Variants in DMAC2L observed in about 807,000 individuals in gnomAD.
DMAC2L encodes distal membrane arm assembly component 2 like.
DMAC2L carries 21 observed loss-of-function variants against 22.5 expected under a neutral mutation model. That is an observed-to-expected ratio of 0.93 (90% CI 0.66 to 1.34). The LOEUF is 1.34. Among genes scored for constraint, DMAC2L ranks in the 40% most tolerant of loss-of-function variants. The probability of loss-of-function intolerance (pLI) is 0.00; values close to 1 mark genes in which losing one functional copy is unlikely to be tolerated. For synonymous variants in DMAC2L, 86 were observed against 89.5 expected (o/e 0.96, Z 0.22); for missense variants, 239 against 246.5 (o/e 0.97, Z 0.20).
intron 5 of DMAC2L, 148 bp from the exon 6 acceptor site, chr14:50,325,461 C>T: frequency 1.2e-6 from 1 of 843,552 alleles, no homozygotes; most frequent in Non-Finnish European, 1.7e-6. Context: ...TGAATTTCAT[C>T]TCTAAGGCTA....
At chr14:50,319,613 C>T (rs1213147221) in intron 2 of DMAC2L, among the ~76,000 whole-genome samples, 1 of 152,188 alleles carries the variant, frequency 6.6e-6, no homozygotes. Context: ...ATCAGGGCTT[C>T]AGTTTCCTCA....
At position 50,320,045 on chromosome 14, in the gene DMAC2L, A is replaced by G. The variant is rs73279433; in HGVS notation, c.-5-1438A>G. Among the ~76,000 whole-genome samples the G allele has an allele frequency of 6.4e-3, 977 of 152,240 alleles. 13 individuals carry two copies. Among genetic ancestry groups the G allele is most frequent in the African/African-American group, 0.021 (890 of 41,550 alleles). ...CCTTAATCTTGATGCTGCTGAGTCA[A>G]TTTCTTGAAGCACAACCGTAACAAT... On this transcript the variant is annotated intron_variant, in intron 2 of 5. Coordinates refer to ENST00000557421, the MANE Select transcript of DMAC2L (RefSeq NM_001382507.1).
chr14:50,319,966 G>A lies in DMAC2L; in HGVS notation c.-5-1517G>A, dbSNP rs559406847. 1.1e-4 allele frequency among the ~76,000 whole-genome samples: 16 copies of A among 152,232 alleles called. No homozygotes were observed. The East Asian group carries it at 1.9e-3, about 18-fold the overall frequency. ...CATCCTTCCCCAACTAGGCCCTTTC[G>A]TATGGCCTCATGTGATTGAAGCCCT... On this transcript the variant is annotated intron_variant, in intron 2 of 5. Transcript: ENST00000557421.
At chr14:50,322,927 G>C (rs374097142) in intron 4 of DMAC2L, 4 of 1,426,748 alleles carry the variant, frequency 2.8e-6, no homozygotes, top group African/African-American at 2.9e-5. Flanking sequence ...CACTAAGCTT[G>C]TTTCTGTATG....
intron 2 of DMAC2L, among the ~76,000 whole-genome samples, chr14:50,319,984 G>A (rs2139297260): frequency 6.6e-6 from 1 of 152,296 alleles, no homozygotes; most frequent in South Asian, 2.1e-4. Flanking sequence ...TCATGTGATT[G>A]AAGCCCTTGC....
At chr14:50,312,732 G>A in intron 1 of DMAC2L, 1 of 376,626 alleles carries the variant, frequency 2.7e-6, no homozygotes, top group Non-Finnish European at 4.8e-6. Context: ...CCCGGCCCCA[G>A]CCCAGTCGAG....
At chr14:50,314,005 C>G (rs1036345671) in intron 1 of DMAC2L, among the ~76,000 whole-genome samples, 13 of 152,176 alleles carry the variant, frequency 8.5e-5, no homozygotes, top group African/African-American at 3.1e-4. Context: ...CTTTTTCATT[C>G]AGCATAATCC....
intron 2 of DMAC2L, among the ~76,000 whole-genome samples, chr14:50,316,368 C>A (rs1200182996): frequency 1.3e-5 from 2 of 152,316 alleles, no homozygotes; most frequent in Admixed American, 6.5e-5. Context: ...GTTTACTCTG[C>A]TGACTGTTCC....
At chr14:50,312,896 A>G in intron 1 of DMAC2L, 1 of 979,948 alleles carries the variant, frequency 1.0e-6, no homozygotes, top group Non-Finnish European at 1.6e-6. Context: ...CGTCTTGTAA[A>G]TATGGAGCGC....
intron 2 of DMAC2L, among the ~76,000 whole-genome samples, chr14:50,320,554 T>C (rs570882190): frequency 3.9e-5 from 6 of 152,336 alleles, no homozygotes; most frequent in African/African-American, 1.4e-4. Flanking sequence ...CTGCTTCAGC[T>C]AATAATCTGG....
At chr14:50,321,002 T>C (rs1278738039) in intron 2 of DMAC2L, among the ~76,000 whole-genome samples, 1 of 152,240 alleles carries the variant, frequency 6.6e-6, no homozygotes, top group Non-Finnish European at 1.5e-5. Flanking sequence ...TTTACACTGC[T>C]CTGGTAACAC....
upstream of DMAC2L, chr14:50,311,549 A>G: frequency 2.3e-6 from 1 of 443,188 alleles, no homozygotes; most frequent in Non-Finnish European, 4.5e-6. Flanking sequence ...CGGGGGCAAC[A>G]CTATGCGGGG....
At chr14:50,320,337 C>G (rs1393825901) in intron 2 of DMAC2L, among the ~76,000 whole-genome samples, 5 of 152,100 alleles carry the variant, frequency 3.3e-5, no homozygotes, top group Non-Finnish European at 7.4e-5. Flanking sequence ...TCTCGATATC[C>G]TGACCTCGTG....
chr14:50,321,586 G>A lies in DMAC2L; in HGVS notation c.99G>A (p.Val33=), dbSNP rs1248268198. Residue 33 remains valine, a synonymous_variant, in exon 3 of 6, where the codon GTG becomes GTA. Transcript: ENST00000557421. ...ACTTCTGGGGCTGGTTGAATGCAGT[G>A]TTTAATAAGTAAGTTACTCTAAATA... is the stretch of plus-strand genomic sequence containing the variant. ...SRYFWGWLNA[V]FNKVDYDRIR... 1 of 1,610,018 alleles carries A rather than the reference G, an allele frequency of 6.2e-7. No homozygotes were observed. The highest frequency in any genetic ancestry group is 8.5e-7 in the Non-Finnish European group (1 of 1,176,374).
At chr14:50,325,445 C>T (rs2032647582) in intron 5 of DMAC2L, among the ~76,000 whole-genome samples, 164 bp from the exon 6 acceptor site, 1 of 152,132 alleles carries the variant, frequency 6.6e-6, no homozygotes. Context: ...GTGTTACTTC[C>T]TGGCATGAAT....
In DMAC2L at chr14:50,312,405, A is replaced by C. The variant is rs2139249792; in HGVS notation, c.-42+16A>C. The C allele has an allele frequency of 1.8e-6, 1 of 569,682 alleles. No homozygotes were observed. 35.3% of individuals were successfully genotyped at this position (569,682 alleles called of 1,614,324 possible). A position where few individuals can be genotyped will look rare whatever the true frequency, so the allele number is the denominator to read the frequency against. On this transcript the variant is annotated intron_variant, in intron 1 of 5. Transcript: ENST00000557421. ...CTCCGACGCTGTGAGTAGAGAAGCT[A>C]GGCCCCGAGCCGGGCGGGACTAGGG...
In DMAC2L at chr14:50,322,797, A is replaced by G. The variant is rs767871499; in HGVS notation, c.316+78A>G. 8 of 1,600,880 alleles carry G rather than the reference A, an allele frequency of 5.0e-6. No individual in the cohort carries two copies. The African/African-American group carries it at 8.0e-5, about 16-fold the overall frequency. On this transcript the variant is annotated intron_variant, in intron 4 of 5. Transcript: ENST00000557421. ...ATTTTGTTGCAGTTGACTCACGATTATAGTCATAGGTATGTCCTTTTTGCC... is the reference window on the plus strand; with the variant it reads ...ATTTTGTTGCAGTTGACTCACGATTGTAGTCATAGGTATGTCCTTTTTGCC...
chr14:50,322,194 T>TA (rs1209263017), intron 3 of DMAC2L, among the ~76,000 whole-genome samples: 1 of 152,272 alleles, frequency 6.6e-6, no homozygotes, highest in Non-Finnish European at 1.5e-5. Context: ...GTAGAATAGT[T>TA]ACTAAGTATC....
rs1460898774 is a variant in DMAC2L at position 50,326,068 on chromosome 14, T to TA, written c.*352dup. ...CAACATGGTGAAACCCCATCTCTAC[T>TA]AAAAAAACAAAATTAGCTGAATGTG... On this transcript the variant is annotated 3_prime_UTR_variant, in exon 6 of 6. Coordinates refer to ENST00000557421, the MANE Select transcript of DMAC2L (RefSeq NM_001382507.1). The TA allele has an allele frequency of 2.9e-6, 1 of 342,498 alleles. No individual in the cohort carries two copies. The highest frequency in any genetic ancestry group is 4.2e-6 in the Non-Finnish European group (1 of 240,358). 21.2% of individuals were successfully genotyped at this position (342,498 alleles called of 1,614,324 possible).
Sources: allele counts gnomAD v4.1 joint callset (sites outside exome capture counted in the v4.1 genomes callset), GRCh38; gene constraint gnomAD v4.1.1; transcripts MANE v1.5; gene names NCBI Gene and HGNC (gene_info 2026-07-23, HGNC 2026-07-21).